SOX30: variants seen among roughly 807,000 people sequenced by gnomAD.
SOX30 encodes transcription factor SOX-30.
A neutral mutation model predicts 58.6 loss-of-function variants in SOX30; 17 were observed. That is an observed-to-expected ratio of 0.29 (90% CI 0.20 to 0.44). SOX30 has a LOEUF of 0.44. Ranked by LOEUF, SOX30 falls within the 20% of genes least tolerant of loss-of-function variation. The probability of loss-of-function intolerance (pLI) is 1.00; values close to 1 mark genes in which losing one functional copy is unlikely to be tolerated. For missense variants in SOX30, 951 were observed against 965.8 expected (o/e 0.98, Z 0.20); for synonymous variants, 421 against 400.2 (o/e 1.05, Z -0.62).
intron 4 of SOX30, 105 bp downstream of exon 4, chr5:157,638,125 A>T: frequency 8.7e-7 from 1 of 1,151,270 alleles, no homozygotes; most frequent in Non-Finnish European, 1.2e-6. Context: ...GAATTGAAGA[A>T]GTCTGCTTTT....
intron 4 of SOX30, among the ~76,000 whole-genome samples, chr5:157,637,806 G>A (rs918989408): frequency 1.3e-5 from 2 of 151,950 alleles, no homozygotes; most frequent in Non-Finnish European, 2.9e-5. Context: ...TGATTCCCCT[G>A]CTTCAGCCTC....
intron 2 of SOX30, among the ~76,000 whole-genome samples, chr5:157,647,628 C>T (rs1437608049): frequency 6.6e-6 from 1 of 152,134 alleles, no homozygotes; most frequent in African/African-American, 2.4e-5. Flanking sequence ...GATCTCGGCT[C>T]ACTGCAAGCT....
At chr5:157,642,106 A>G (rs1003664316) in intron 3 of SOX30, among the ~76,000 whole-genome samples, 5 of 152,134 alleles carry the variant, frequency 3.3e-5, no homozygotes, top group Admixed American at 6.6e-5. Flanking sequence ...ACTTGAGTCC[A>G]GGAGTTCAAG....
At chr5:157,627,241 TAGTCCCA>T (rs1758679684) in intron 4 of SOX30, among the ~76,000 whole-genome samples, 1 of 152,110 alleles carries the variant, frequency 6.6e-6, no homozygotes, top group African/African-American at 2.4e-5. Flanking sequence ...TGCATGCCTG[TAGTCCCA>T]GCTACTCAGG....
At chr5:157,637,567 C>CAT (rs1434114279) in intron 4 of SOX30, among the ~76,000 whole-genome samples, 17 of 152,128 alleles carry the variant, frequency 1.1e-4, no homozygotes, top group African/African-American at 4.1e-4. Context: ...CAAAATACCA[C>CAT]GATTTATATA....
chr5:157,654,640 A>C (rs528626870), upstream of SOX30, among the ~76,000 whole-genome samples: 2 of 152,350 alleles, frequency 1.3e-5, no homozygotes, highest in African/African-American at 4.8e-5. Context: ...AAGGCATTCT[A>C]AGTCACAGGA....
intron 2 of SOX30, among the ~76,000 whole-genome samples, chr5:157,663,682 A>T (rs1408856103): frequency 6.6e-6 from 1 of 152,232 alleles, no homozygotes; most frequent in Non-Finnish European, 1.5e-5. Context: ...TGCAGATGAC[A>T]TGATTGTATA....
rs1001599793 is a variant in SOX30 at position 157,646,711 on chromosome 5, G to T, written c.1313C>A (p.Thr438Lys). 3 of 1,613,050 alleles carry T rather than the reference G, an allele frequency of 1.9e-6. No homozygotes were observed. Among genetic ancestry groups the T allele is most frequent in the African/African-American group, 2.7e-5 (2 of 74,916 alleles). Residue 438 changes from threonine to lysine, a missense_variant, in exon 3 of 5, where the codon ACA (threonine) becomes AAA (lysine). Coordinates refer to ENST00000265007, the MANE Select transcript of SOX30 (RefSeq NM_178424.2). The stretch of plus-strand genomic sequence containing the variant: ...CGTAGGTGAGCGGTAAGGATAAACT[G>T]TTGTAGGATTTGTAGAGATGATATT... ...TQNIISTNPT[T>K]VYPYRSPTYS...
chr5:157,638,428 G>A lies in SOX30; in HGVS notation c.1682C>T (p.Thr561Ile). 1 of 1,614,080 alleles carries A rather than the reference G, an allele frequency of 6.2e-7. No homozygotes were observed. The highest frequency in any genetic ancestry group is 1.1e-5 in the South Asian group (1 of 91,080). The change falls in exon 4 of 5, where the codon ACC becomes ATC. Residue 561 changes from threonine to isoleucine, a missense_variant. Thr to Ile is a moderately conservative substitution (Grantham distance 89, BLOSUM62 -1). Coordinates refer to ENST00000265007, the MANE Select transcript of SOX30 (RefSeq NM_178424.2). ...STAHARFATSTIQPPREYSSV... is the reference protein window; with the variant it reads ...STAHARFATSIIQPPREYSSV... ...GGAATACTCCCTAGGAGGTTGGATG[G>A]TCGAAGTTGCAAATCTGGCATGGGC...
In SOX30 at chr5:157,630,338, C is replaced by T. The variant is rs73306850; in HGVS notation, c.1881-3617G>A. 8.4e-3 allele frequency among the ~76,000 whole-genome samples: 1,284 copies of T among 152,136 alleles called. 23 individuals carry two copies. The highest frequency in any genetic ancestry group is 0.03 in the African/African-American group (1,253 of 41,526). ...ATTAATATTATTTCCTTGTGAATGC[C>T]CTACTTTCTTGTTTCTTTGCATGTC... On this transcript the variant is annotated intron_variant, in intron 4 of 4. Coordinates refer to ENST00000265007, the MANE Select transcript of SOX30 (RefSeq NM_178424.2).
At position 157,646,623 on chromosome 5, in the gene SOX30, T is replaced by G. The variant is rs1443235134; in HGVS notation, c.1387+14A>C. ...CTATTTAAAAAATAGTAATCTACAA[T>G]AAAACTAACTCACCAACTGGATGAG... On this transcript the variant is annotated intron_variant, in intron 3 of 4. Coordinates refer to ENST00000265007, the MANE Select transcript of SOX30 (RefSeq NM_178424.2). The G allele has an allele frequency of 6.3e-7, 1 of 1,577,808 alleles. No individual in the cohort carries two copies. Among genetic ancestry groups the G allele is most frequent in the Non-Finnish European group, 8.6e-7 (1 of 1,163,008 alleles).
At chr5:157,629,041 T>C (rs776076795) in intron 4 of SOX30, among the ~76,000 whole-genome samples, 3 of 152,154 alleles carry the variant, frequency 2.0e-5, no homozygotes, top group Non-Finnish European at 4.4e-5. Flanking sequence ...AGGCTGACTA[T>C]GGGTACAAAC....
upstream of SOX30, among the ~76,000 whole-genome samples, chr5:157,655,161 T>G (rs956968069): frequency 6.6e-6 from 1 of 152,128 alleles, no homozygotes; most frequent in Non-Finnish European, 1.5e-5. Context: ...TGTAACATCT[T>G]TCTGGCAACT....
chr5:157,666,849 G>T (rs1759682002), intron 2 of SOX30, among the ~76,000 whole-genome samples: 1 of 152,120 alleles, frequency 6.6e-6, no homozygotes, highest in Non-Finnish European at 1.5e-5. Context: ...GGGATTACAG[G>T]CATGCACCAC....
At chr5:157,640,122 A>G (rs751575491) in intron 3 of SOX30, among the ~76,000 whole-genome samples, 1 of 152,022 alleles carries the variant, frequency 6.6e-6, no homozygotes, top group Non-Finnish European at 1.5e-5. Context: ...TTCCCTCCAA[A>G]CCTTGTAAAC....
chr5:157,638,366 G>C lies in SOX30; in HGVS notation c.1744C>G (p.Gln582Glu), dbSNP rs1758981323. 1 of 1,613,754 alleles carries C rather than the reference G, an allele frequency of 6.2e-7. No individual in the cohort carries two copies. Among genetic ancestry groups the C allele is most frequent in the Non-Finnish European group, 8.5e-7 (1 of 1,179,838 alleles). Residue 582 changes from glutamine (Q) to glutamate (E), a missense_variant, in exon 4 of 5, where the codon CAG becomes GAG. Coordinates refer to ENST00000265007, the MANE Select transcript of SOX30 (RefSeq NM_178424.2). ...SPCPRSAPIP[Q>E]ASPIPHPHVY... Reference sequence around the variant, plus strand: ...TGTGGGTGTGGAATGGGAGAAGCCTGGGGGATTGGAGCACTTCTGGGACAA... The same window carrying C: ...TGTGGGTGTGGAATGGGAGAAGCCTCGGGGATTGGAGCACTTCTGGGACAA...
intron 4 of SOX30, among the ~76,000 whole-genome samples, chr5:157,635,361 T>C (rs371237989): frequency 2.6e-5 from 4 of 152,326 alleles, no homozygotes; most frequent in South Asian, 2.1e-4. Context: ...CAGTGGCTCA[T>C]GCCTATAATC....
rs33962778 is a variant in SOX30, at chr5:157,647,061, A to AT, written c.1208-246dup. Among the ~76,000 whole-genome samples, 257 of 134,524 alleles carry AT rather than the reference A, an allele frequency of 1.9e-3. 1 individual carries two copies. Among genetic ancestry groups the AT allele is most frequent in the South Asian group, 5.7e-3 (24 of 4,242 alleles). The allele number at this position is 134,524 out of a possible 152,430, so 88.3% of individuals were successfully genotyped here. On this transcript the variant is annotated intron_variant, in intron 2 of 4. Transcript: ENST00000265007. Reference sequence around the variant, plus strand: ...TCATCATTGAAAAGAAGAGGGTCAAATTTTTTTTTTTTTTTTTTGAGACGG... The same window carrying AT: ...TCATCATTGAAAAGAAGAGGGTCAAATTTTTTTTTTTTTTTTTTTGAGACGG...
At chr5:157,648,115 G>A (rs1759240055) in intron 2 of SOX30, among the ~76,000 whole-genome samples, 1 of 152,132 alleles carries the variant, frequency 6.6e-6, no homozygotes, top group East Asian at 1.9e-4. Context: ...GCCATGCACT[G>A]TGCATTTTCC....
Sources: gnomAD v4.1 joint callset for allele counts (sites outside exome capture counted in the v4.1 genomes callset) on GRCh38, gnomAD v4.1.1 for gene constraint, MANE v1.5 for transcripts, NCBI Gene and HGNC (gene_info 2026-07-23, HGNC 2026-07-21) for gene names.